Variants in IQCH observed in about 807,000 individuals in gnomAD.
IQCH encodes IQ domain-containing protein H.
IQCH carries 98 observed loss-of-function variants against 117.0 expected under a neutral mutation model. The observed-to-expected ratio is 0.84, with a 90% CI of 0.71 to 0.99. The LOEUF (loss-of-function observed/expected upper bound fraction) is 0.99, where lower values mean the gene tolerates loss of function less well. Ranked by LOEUF, IQCH falls within the 50% of genes least tolerant of loss-of-function variation. The probability of loss-of-function intolerance (pLI) is 0.00; values close to 1 mark genes in which losing one functional copy is unlikely to be tolerated. For missense variants in IQCH, 1,102 were observed against 1,243.8 expected (o/e 0.89, Z 1.72); for synonymous variants, 412 against 448.2 (o/e 0.92, Z 1.02).
rs1244690747 is a variant in IQCH, at chr15:67,408,685, T to A, written c.2098-8246T>A. 6.6e-6 allele frequency among the ~76,000 whole-genome samples: 1 copy of A among 152,194 alleles called. No individual in the cohort carries two copies. The highest frequency in any genetic ancestry group is 1.5e-5 in the Non-Finnish European group (1 of 68,030). ...CAAACTTACTCCTCTCCCCCACTAC[T>A]TGAATGAAAAATCAAGTTCAAAGGG... On this transcript the variant is annotated intron_variant, in intron 14 of 20. Transcript: ENST00000335894. The surrounding 1 kb of genome is among the most constrained non-coding windows in gnomAD (Gnocchi z 4.2).
In IQCH at chr15:67,417,120, C is replaced by T; in HGVS notation, c.2218+69C>T. The T allele has an allele frequency of 2.2e-6, 3 of 1,368,892 alleles. No homozygotes were observed. The highest frequency in any genetic ancestry group is 2.9e-6 in the Non-Finnish European group (3 of 1,019,346). The allele number at this position is 1,368,892 out of a possible 1,614,324, so 84.8% of individuals were successfully genotyped here. ...ACCTTGGATTCTAGTTTTGGGTCAA[C>T]TGGGGCCAATTTAAATACTTTGCAT... is the stretch of plus-strand genomic sequence containing the variant. On this transcript the variant is annotated intron_variant, in intron 15 of 20. Transcript: ENST00000335894. This position sits in a 1 kb window ranked among gnomAD's most constrained non-coding sequence, Gnocchi z 4.3.
At chr15:67,292,586 GA>G (rs1167577078) in intron 4 of IQCH, among the ~76,000 whole-genome samples, 1 of 152,016 alleles carries the variant, frequency 6.6e-6, no homozygotes. Flanking sequence ...AAAACAGTAT[GA>G]AAAAATAACA....
At chr15:67,357,597 G>A (rs1385750110) in intron 7 of IQCH, among the ~76,000 whole-genome samples, 176 bp downstream of exon 7, 1 of 152,198 alleles carries the variant, frequency 6.6e-6, no homozygotes, top group Admixed American at 6.5e-5. Flanking sequence ...GTCAACTCTA[G>A]CATAATGTTA....
chr15:67,285,795 T>C (rs988255317), intron 4 of IQCH, among the ~76,000 whole-genome samples: 4 of 152,098 alleles, frequency 2.6e-5, no homozygotes, highest in African/African-American at 9.7e-5. Flanking sequence ...TTCTCTATTC[T>C]GTTCTGTTGG....
Position 67,447,092 on chromosome 15 carries a change from T to A in IQCH, c.2506-18035T>A, listed in dbSNP as rs1596394947. Among the ~76,000 whole-genome samples, 1 of 152,212 alleles carries A rather than the reference T, an allele frequency of 6.6e-6. No homozygotes were observed. The highest frequency in any genetic ancestry group is 2.4e-5 in the African/African-American group (1 of 41,454). On this transcript the variant is annotated intron_variant, in intron 16 of 20. Coordinates refer to ENST00000335894, the MANE Select transcript of IQCH (RefSeq NM_001031715.3). The surrounding 1 kb of genome is among the most constrained non-coding windows in gnomAD (Gnocchi z 5.3). ...CAAACCTGGATCTTTGTCCTCGCCC[T>A]GCCGCTGAGCTGTGGAACTTGGCAC...
chr15:67,369,909 G>A lies in IQCH; in HGVS notation c.754-2202G>A, dbSNP rs187591565. 9.7e-4 allele frequency among the ~76,000 whole-genome samples: 147 copies of A among 152,294 alleles called. No individual in the cohort carries two copies. Among genetic ancestry groups the A allele is most frequent in the Non-Finnish European group, 1.3e-3 (89 of 68,012 alleles). On this transcript the variant is annotated intron_variant, in intron 8 of 20. Coordinates refer to ENST00000335894, the MANE Select transcript of IQCH (RefSeq NM_001031715.3). The surrounding 1 kb of genome is among the most constrained non-coding windows in gnomAD (Gnocchi z 5.2). ...GTTATGCTTTAGCTGACTCCAAACCGATAGCTTCCCAGTGCCTGAGTGGTC... is the reference window on the plus strand; with the variant it reads ...GTTATGCTTTAGCTGACTCCAAACCAATAGCTTCCCAGTGCCTGAGTGGTC...
At chr15:67,400,050 T>TA (rs1971592383) in intron 13 of IQCH, 64 bp from the exon 14 acceptor site, 3 of 1,335,484 alleles carry the variant, frequency 2.2e-6, no homozygotes, top group Non-Finnish European at 3.2e-6. Context: ...ACTAAGTTGT[T>TA]ACGATAAAAA....
chr15:67,314,235 A>C (rs1967737479), intron 4 of IQCH, among the ~76,000 whole-genome samples: 1 of 152,130 alleles, frequency 6.6e-6, no homozygotes, highest in African/African-American at 2.4e-5. Context: ...TGGCAAGAGA[A>C]AAGGATAGAG....
In IQCH at chr15:67,416,408, T is replaced by G. The variant is rs940500449; in HGVS notation, c.2098-523T>G. Among the ~76,000 whole-genome samples the G allele has an allele frequency of 1.3e-5, 2 of 151,834 alleles. No individual in the cohort carries two copies. Among genetic ancestry groups the G allele is most frequent in the East Asian group, 3.9e-4 (2 of 5,166 alleles). ...GACGCATGCCTGTAGTCCCAGCTACTCGGGAGGCTGAGGCAGGAGAATCAC... is the reference window on the plus strand; with the variant it reads ...GACGCATGCCTGTAGTCCCAGCTACGCGGGAGGCTGAGGCAGGAGAATCAC... On this transcript the variant is annotated intron_variant, in intron 14 of 20. Coordinates refer to ENST00000335894, the MANE Select transcript of IQCH (RefSeq NM_001031715.3). The surrounding 1 kb of genome is among the most constrained non-coding windows in gnomAD (Gnocchi z 5.1).
At position 67,490,985 on chromosome 15, in the gene IQCH, T is replaced by C. The variant is rs1050356529; in HGVS notation, c.2861+921T>C. The stretch of plus-strand genomic sequence containing the variant: ...ATTTCATATCTTGGCACATGGTTAC[T>C]TGGTACCTTTAAGTCATCCTACCTA... On this transcript the variant is annotated intron_variant, in intron 19 of 20. Coordinates refer to ENST00000335894, the MANE Select transcript of IQCH (RefSeq NM_001031715.3). The surrounding 1 kb of genome is among the most constrained non-coding windows in gnomAD (Gnocchi z 4.9). 6.6e-6 allele frequency among the ~76,000 whole-genome samples: 1 copy of C among 152,234 alleles called. No homozygotes were observed. The highest frequency in any genetic ancestry group is 1.5e-5 in the Non-Finnish European group (1 of 68,044).
intron 4 of IQCH, among the ~76,000 whole-genome samples, chr15:67,293,497 A>G (rs1277570235): frequency 6.6e-6 from 1 of 152,176 alleles, no homozygotes; most frequent in Non-Finnish European, 1.5e-5. Context: ...AATACTTAAT[A>G]CCATGTAAAT....
At position 67,433,932 on chromosome 15, in the gene IQCH, C is replaced by T. The variant is rs903260006; in HGVS notation, c.2505+12355C>T. 5.3e-5 allele frequency among the ~76,000 whole-genome samples: 8 copies of T among 152,098 alleles called. No homozygotes were observed. The highest frequency in any genetic ancestry group is 1.4e-4 in the African/African-American group (6 of 41,416). On this transcript the variant is annotated intron_variant, in intron 16 of 20. Coordinates refer to ENST00000335894, the MANE Select transcript of IQCH (RefSeq NM_001031715.3). This position sits in a 1 kb window ranked among gnomAD's most constrained non-coding sequence, Gnocchi z 5.4. ...TTTCTCTTACAAAATTGTCCTTCTC[C>T]GATCCCAGCTTTATTGAGGTATAAC... is the stretch of plus-strand genomic sequence containing the variant.
rs1160848137 is a variant in IQCH at position 67,479,915 on chromosome 15, T to G, written c.2799+4097T>G. 6.6e-6 allele frequency among the ~76,000 whole-genome samples: 1 copy of G among 152,230 alleles called. No homozygotes were observed. Among genetic ancestry groups the G allele is most frequent in the Non-Finnish European group, 1.5e-5 (1 of 68,046 alleles). ...GATCACTCTATGAGTTTATTTTTCC[T>G]TGACACATATGGGAAGGGAGCATTG... On this transcript the variant is annotated intron_variant, in intron 18 of 20. Coordinates refer to ENST00000335894, the MANE Select transcript of IQCH (RefSeq NM_001031715.3). This position sits in a 1 kb window ranked among gnomAD's most constrained non-coding sequence, Gnocchi z 4.6.
intron 4 of IQCH, chr15:67,307,291 CAT>C: frequency 2.2e-6 from 1 of 456,246 alleles, no homozygotes; most frequent in Non-Finnish European, 2.9e-6. Context: ...TTTTATGAGT[CAT>C]ATGTTATGCA....
chr15:67,468,390 G>A (rs1000967465), intron 17 of IQCH, among the ~76,000 whole-genome samples: 2 of 152,062 alleles, frequency 1.3e-5, no homozygotes, highest in African/African-American at 2.4e-5. Flanking sequence ...CAAATGCTTC[G>A]GGTTTGATTT....
chr15:67,254,865 C>A lies in IQCH; in HGVS notation c.-32C>A. The stretch of plus-strand genomic sequence containing the variant: ...AGGTTTCCGTGCTTGGAAACCGCGC[C>A]TCCGCGGAGGTAGCCGTTCCCTGAC... On this transcript the variant is annotated 5_prime_UTR_variant, in exon 1 of 21. Transcript: ENST00000335894. The A allele has an allele frequency of 6.2e-7, 1 of 1,609,668 alleles. No homozygotes were observed. Among genetic ancestry groups the A allele is most frequent in the Non-Finnish European group, 8.5e-7 (1 of 1,177,414 alleles).
rs1239016055 is a variant in IQCH at position 67,359,305 on chromosome 15, C to T, written c.715-542C>T. ...TAATGAGCCCTGGCTTTAATTTTCT[C>T]TGTTGACTTCACAAAGCTCTCCCCA... On this transcript the variant is annotated intron_variant, in intron 7 of 20. Transcript: ENST00000335894. The surrounding 1 kb of genome is among the most constrained non-coding windows in gnomAD (Gnocchi z 4.5). Among the ~76,000 whole-genome samples the T allele has an allele frequency of 6.6e-6, 1 of 152,194 alleles. No homozygotes were observed. The highest frequency in any genetic ancestry group is 2.4e-5 in the African/African-American group (1 of 41,448).
At chr15:67,306,902 G>A in intron 4 of IQCH, 1 of 1,507,626 alleles carries the variant, frequency 6.6e-7, no homozygotes, top group South Asian at 1.2e-5. Context: ...TCCAGTTCCA[G>A]TTAGACTTTA....
intron 2 of IQCH, 41 bp from the exon 3 acceptor site, chr15:67,263,081 A>G (rs753886535): frequency 9.5e-7 from 1 of 1,048,994 alleles, no homozygotes; most frequent in Admixed American, 1.7e-5. Flanking sequence ...GAGTATCTTA[A>G]GTCCACAATA....
Sources: gnomAD v4.1 joint callset for allele counts (sites outside exome capture counted in the v4.1 genomes callset) on GRCh38, gnomAD v4.1.1 for gene constraint, Gnocchi (gnomAD v3.1) non-coding constraint, MANE v1.5 for transcripts, NCBI Gene and HGNC (gene_info 2026-07-23, HGNC 2026-07-21) for gene names.